The following ACYP2 variants were observed in gnomAD, a reference collection of about 807,000 sequenced individuals.
The protein encoded by ACYP2 is acylphosphatase 2, also known as acylphosphatase-2.
In ACYP2, 12 loss-of-function variants were observed where a neutral mutation model predicts 11.2. The observed-to-expected ratio is 1.08, with a 90% CI of 0.69 to 1.74. The LOEUF is 1.74. Among genes scored for constraint, ACYP2 ranks in the 40% most tolerant of loss-of-function variants. ACYP2 has a pLI of 0.00. For synonymous variants in ACYP2, 43 were observed against 32.2 expected (o/e 1.33, Z -1.13); for missense variants, 134 against 101.9 (o/e 1.31, Z -1.35).
intron 6 of ACYP2, among the ~76,000 whole-genome samples, chr2:54,144,228 C>T (rs1440471881): frequency 1.3e-5 from 2 of 152,096 alleles, no homozygotes; most frequent in Non-Finnish European, 2.9e-5. Flanking sequence ...CTGCCTCGGC[C>T]TCCCAAAGTG....
At chr2:54,039,109 T>C (rs12616212) in intron 2 of ACYP2, among the ~76,000 whole-genome samples, 98,778 of 151,552 alleles carry the variant, frequency 0.65, 34,179 homozygotes, top group East Asian at 0.92. Context: ...AACAGGGAAG[T>C]GGGAAAGAAG....
At chr2:54,184,273 A>G (rs897589468) in intron 6 of ACYP2, among the ~76,000 whole-genome samples, 15 of 152,326 alleles carry the variant, frequency 9.8e-5, no homozygotes, top group East Asian at 1.9e-4. Context: ...TATTAGCAAG[A>G]GAATGGATAT....
intron 6 of ACYP2, among the ~76,000 whole-genome samples, chr2:54,296,965 A>G (rs1013188388): frequency 6.6e-6 from 1 of 152,320 alleles, no homozygotes; most frequent in African/African-American, 2.4e-5. Flanking sequence ...CTAGATTTCA[A>G]TGGGACATTC....
intron 6 of ACYP2, among the ~76,000 whole-genome samples, chr2:54,220,588 C>G (rs1304054911): frequency 1.3e-5 from 2 of 152,072 alleles, no homozygotes; most frequent in Non-Finnish European, 1.5e-5. Context: ...TTTTTATCTT[C>G]TATTTTAATA....
At chr2:54,186,172 G>T (rs1683984295) in intron 6 of ACYP2, among the ~76,000 whole-genome samples, 1 of 152,054 alleles carries the variant, frequency 6.6e-6, no homozygotes, top group African/African-American at 2.4e-5. Context: ...GCACAACATT[G>T]TGAATGACTA....
chr2:54,259,861 C>A (rs557400920), intron 6 of ACYP2, among the ~76,000 whole-genome samples: 42 of 152,170 alleles, frequency 2.8e-4, no homozygotes, highest in South Asian at 1.7e-3. Flanking sequence ...GTGAAAACAG[C>A]GAGTATATAC....
Position 54,076,250 on chromosome 2 carries a change from TGGC to T in ACYP2, c.277+18893_277+18895del, listed in dbSNP as rs570666202. Among the ~76,000 whole-genome samples, 3 of 152,222 alleles carry T rather than the reference TGGC, an allele frequency of 2.0e-5. No individual in the cohort carries two copies. In the South Asian group the frequency reaches 6.2e-4, roughly 32 times the overall value. The stretch of plus-strand genomic sequence containing the variant: ...TGAAAAGGTACTGGGCTTGAGAAAA[TGGC>T]GGGGGAAGTCCAAAGAGAACTTCAA... On this transcript the variant is annotated intron_variant, in intron 4 of 6. Coordinates refer to ENST00000607452, the MANE Select transcript of ACYP2 (RefSeq NM_001320586.2).
At chr2:54,221,520 C>CTTTTTTTTT (rs548466074) in intron 6 of ACYP2, among the ~76,000 whole-genome samples, 1 of 127,278 alleles carries the variant, frequency 7.9e-6, no homozygotes, top group African/African-American at 3.0e-5. Context: ...GAATAAAATT[C>CTTTTTTTTT]TTTTTTTTTT....
intron 2 of ACYP2, among the ~76,000 whole-genome samples, chr2:54,026,365 A>G (rs1674286270): frequency 6.6e-6 from 1 of 152,068 alleles, no homozygotes; most frequent in Non-Finnish European, 1.5e-5. Context: ...AAACCACAAT[A>G]TGATACCAGC....
chr2:54,036,998 G>T (rs780572347), intron 2 of ACYP2, among the ~76,000 whole-genome samples: 6 of 152,168 alleles, frequency 3.9e-5, no homozygotes, highest in Non-Finnish European at 8.8e-5. Flanking sequence ...GTGAAGTAAT[G>T]TTGTCCCTAA....
intron 6 of ACYP2, among the ~76,000 whole-genome samples, chr2:54,241,501 ATTG>A (rs1166326139): frequency 1.3e-5 from 2 of 152,004 alleles, no homozygotes; most frequent in African/African-American, 2.4e-5. Context: ...GACCTCTGAT[ATTG>A]TTGTGTTGTT....
chr2:54,206,091 C>T (rs1417355380), intron 6 of ACYP2, among the ~76,000 whole-genome samples: 1 of 152,130 alleles, frequency 6.6e-6, no homozygotes, highest in Non-Finnish European at 1.5e-5. Context: ...AATAAAGTTA[C>T]TGCATTATTT....
At chr2:54,164,403 A>G (rs192231030) in intron 6 of ACYP2, among the ~76,000 whole-genome samples, 23 of 152,316 alleles carry the variant, frequency 1.5e-4, no homozygotes, top group Admixed American at 5.9e-4. Flanking sequence ...GGGTGACCCA[A>G]TCATAATGAT....
At chr2:54,259,740 A>C (rs1038520828) in intron 6 of ACYP2, among the ~76,000 whole-genome samples, 3 of 152,212 alleles carry the variant, frequency 2.0e-5, no homozygotes, top group African/African-American at 7.2e-5. Flanking sequence ...TTTTTCTCCA[A>C]AAAGAAACAA....
intron 2 of ACYP2, among the ~76,000 whole-genome samples, chr2:54,007,781 C>A (rs571872966): frequency 6.6e-6 from 1 of 152,100 alleles, no homozygotes; most frequent in African/African-American, 2.4e-5. Flanking sequence ...AGGGGAATCG[C>A]ATGAACCTAG....
chr2:54,269,859 G>T (rs1688204402), intron 6 of ACYP2, among the ~76,000 whole-genome samples: 1 of 151,976 alleles, frequency 6.6e-6, no homozygotes, highest in African/African-American at 2.4e-5. Flanking sequence ...TGTATAATAT[G>T]AATTATATTA....
At chr2:54,259,676 A>C (rs1687698769) in intron 6 of ACYP2, among the ~76,000 whole-genome samples, 1 of 151,314 alleles carries the variant, frequency 6.6e-6, no homozygotes, top group Non-Finnish European at 1.5e-5. Context: ...ATATGTTTGA[A>C]AGGGAAAGGG....
chr2:54,181,634 A>G (rs1406924824), intron 6 of ACYP2, among the ~76,000 whole-genome samples: 3 of 152,218 alleles, frequency 2.0e-5, no homozygotes, highest in African/African-American at 7.2e-5. Flanking sequence ...TATAATTTTA[A>G]GAAACTGTTC....
chr2:54,123,434 C>G, intron 4 of ACYP2: 1 of 398,536 alleles, frequency 2.5e-6, no homozygotes, highest in Non-Finnish European at 4.4e-6. Flanking sequence ...CATCATAGTC[C>G]TGTTTTCTGC....
Sources: gnomAD v4.1 joint callset for allele counts (sites outside exome capture counted in the v4.1 genomes callset) on GRCh38, gnomAD v4.1.1 for gene constraint, MANE v1.5 for transcripts, NCBI Gene and HGNC (gene_info 2026-07-23, HGNC 2026-07-21) for gene names.